The following CCDC28A variants were observed in gnomAD, a reference collection of about 807,000 sequenced individuals.
CCDC28A encodes the protein coiled-coil domain containing 28A.
CCDC28A carries 24 observed loss-of-function variants against 22.1 expected under a neutral mutation model. That is an observed-to-expected ratio of 1.09 (90% CI 0.79 to 1.53). The LOEUF (loss-of-function observed/expected upper bound fraction) is 1.53, where lower values mean the gene tolerates loss of function less well. Among genes scored for constraint, CCDC28A ranks in the 40% most tolerant of loss-of-function variants. CCDC28A has a pLI of 0.00. For synonymous variants in CCDC28A, 83 were observed against 74.7 expected (o/e 1.11, Z -0.57); for missense variants, 170 against 210.7 (o/e 0.81, Z 1.20).
In CCDC28A at chr6:138,792,931, T is replaced by C. The variant is rs1287551249; in HGVS notation, c.*128T>C. On this transcript the variant is annotated 3_prime_UTR_variant, in exon 6 of 6. Transcript: ENST00000617445. ...AGTAATTAAAGTGCAAGTTCAATGA[T>C]CGTTTTCACTTACTGCTTTTAGTAA... 3.0e-6 allele frequency: 2 copies of C among 658,718 alleles called. No homozygotes were observed. Among genetic ancestry groups the C allele is most frequent in the East Asian group, 5.6e-5 (2 of 35,826 alleles). The allele number at this position is 658,718 out of a possible 1,614,324, so 40.8% of individuals were successfully genotyped here.
chr6:138,785,394 C>CT lies in CCDC28A; in HGVS notation c.477+18dup, dbSNP rs1583523672. The CT allele has an allele frequency of 3.2e-6, 5 of 1,581,998 alleles. No individual in the cohort carries two copies. The highest frequency in any genetic ancestry group is 4.3e-6 in the Non-Finnish European group (5 of 1,166,620). On this transcript the variant is annotated intron_variant, in intron 4 of 5. Coordinates refer to ENST00000617445, the MANE Select transcript of CCDC28A (RefSeq NM_015439.3). ...GCTTCTGTCAGATGTAAGTGTAATTCTTTTTCTTTGTTCTTTAAAAAAAAA... is the reference window on the plus strand; with the variant it reads ...GCTTCTGTCAGATGTAAGTGTAATTCTTTTTTCTTTGTTCTTTAAAAAAAAA...
At chr6:138,777,829 A>C (rs1033091789) in intron 2 of CCDC28A, among the ~76,000 whole-genome samples, 1 of 152,210 alleles carries the variant, frequency 6.6e-6, no homozygotes, top group Non-Finnish European at 1.5e-5. Context: ...GAGAGGAAAA[A>C]AATACATTTG....
intron 3 of CCDC28A, among the ~76,000 whole-genome samples, chr6:138,783,612 T>C (rs1378131213): frequency 6.6e-6 from 1 of 151,766 alleles, no homozygotes. Flanking sequence ...TAATTTTTTG[T>C]ATTTTTTAGT....
chr6:138,780,032 C>T (rs1774993853), intron 3 of CCDC28A, 47 bp downstream of exon 3: 5 of 1,415,988 alleles, frequency 3.5e-6, no homozygotes, highest in South Asian at 2.8e-5. Context: ...AAGATGTTTG[C>T]ATCCTGTTTT....
At chr6:138,776,442 G>A (rs1305566144) in intron 2 of CCDC28A, among the ~76,000 whole-genome samples, 164 bp downstream of exon 2, 1 of 152,148 alleles carries the variant, frequency 6.6e-6, no homozygotes, top group African/African-American at 2.4e-5. Context: ...ACGGTGTATA[G>A]ATATTAGAAA....
Position 138,788,568 on chromosome 6 carries a change from C to CTTTTTTTTTTTTTTTTTTT in CCDC28A, c.500+185_500+203dup, listed in dbSNP as rs3070099. 1.3e-3 allele frequency among the ~76,000 whole-genome samples: 117 copies of CTTTTTTTTTTTTTTTTTTT among 92,970 alleles called. 6 individuals are homozygous for CTTTTTTTTTTTTTTTTTTT. The highest frequency in any genetic ancestry group is 3.2e-3 in the African/African-American group (63 of 19,592). 61.0% of individuals were successfully genotyped at this position (92,970 alleles called of 152,430 possible). A position where few individuals can be genotyped will look rare whatever the true frequency, so the allele number is the denominator to read the frequency against. ...TTCTTTTCTTTCTCTTTTTTCTTTT[C>CTTTTTTTTTTTTTTTTTTT]TTTTTTTTTTTTTTTTTTTTTTTCA... On this transcript the variant is annotated intron_variant, in intron 5 of 5. Coordinates refer to ENST00000617445, the MANE Select transcript of CCDC28A (RefSeq NM_015439.3).
intron 3 of CCDC28A, among the ~76,000 whole-genome samples, chr6:138,780,683 T>G (rs1583521525): frequency 2.0e-5 from 3 of 151,036 alleles, no homozygotes; most frequent in Non-Finnish European, 4.4e-5. Context: ...CAAGTGATTC[T>G]CCTGCCTCAA....
chr6:138,781,314 A>G (rs187571182), intron 3 of CCDC28A, among the ~76,000 whole-genome samples: 1 of 152,100 alleles, frequency 6.6e-6, no homozygotes, highest in Non-Finnish European at 1.5e-5. Flanking sequence ...CTATGTCCCT[A>G]TTGAGAGGCA....
chr6:138,786,823 A>G (rs926373998), intron 4 of CCDC28A, among the ~76,000 whole-genome samples: 2 of 152,258 alleles, frequency 1.3e-5, no homozygotes, highest in South Asian at 4.1e-4. Context: ...ACCATGTTGT[A>G]CAGGCTGGTC....
intron 2 of CCDC28A, among the ~76,000 whole-genome samples, chr6:138,779,375 T>A (rs191179668): frequency 6.6e-6 from 1 of 152,322 alleles, no homozygotes; most frequent in East Asian, 1.9e-4. Context: ...TTAAATATCT[T>A]CCCTTCTCTT....
intron 3 of CCDC28A, among the ~76,000 whole-genome samples, chr6:138,783,512 A>G (rs1014409802): frequency 1.4e-4 from 20 of 146,656 alleles, no homozygotes; most frequent in Non-Finnish European, 3.0e-5. Flanking sequence ...ATCTCTGCTC[A>G]CTGCAAGCTT....
In CCDC28A at chr6:138,783,196, T is replaced by A. The variant is rs78847135; in HGVS notation, c.323-2031T>A. On this transcript the variant is annotated intron_variant, in intron 3 of 5. Transcript: ENST00000617445. ...CATTTTTCATGCTTCATAAATATTTTTATTTATATTTCTTAAAGGAAGAAT... is the reference window on the plus strand; with the variant it reads ...CATTTTTCATGCTTCATAAATATTTATATTTATATTTCTTAAAGGAAGAAT... 6.9e-3 allele frequency among the ~76,000 whole-genome samples: 1,043 copies of A among 152,238 alleles called. 10 individuals carry two copies. Among genetic ancestry groups the A allele is most frequent in the African/African-American group, 0.023 (938 of 41,544 alleles).
At chr6:138,780,851 C>A (rs2114903726) in intron 3 of CCDC28A, among the ~76,000 whole-genome samples, 1 of 152,278 alleles carries the variant, frequency 6.6e-6, no homozygotes, top group East Asian at 1.9e-4. Flanking sequence ...GGATCGCAGG[C>A]GTGAGCCACC....
intron 3 of CCDC28A, among the ~76,000 whole-genome samples, chr6:138,781,634 T>C (rs2114904396): frequency 6.6e-6 from 1 of 152,376 alleles, no homozygotes; most frequent in East Asian, 1.9e-4. Flanking sequence ...AGATGTCTTT[T>C]ATTACAATTG....
chr6:138,773,866 G>A lies in CCDC28A; in HGVS notation c.-79G>A. On this transcript the variant is annotated 5_prime_UTR_variant, in exon 1 of 6. Coordinates refer to ENST00000617445, the MANE Select transcript of CCDC28A (RefSeq NM_015439.3). ...CTTCTGAGGCTGTCGGGTCTTTGCGGGTTGCGGAAGGGGGCCCCAATACCC... is the reference window on the plus strand; with the variant it reads ...CTTCTGAGGCTGTCGGGTCTTTGCGAGTTGCGGAAGGGGGCCCCAATACCC... 6.2e-7 allele frequency: 1 copy of A among 1,613,974 alleles called. No individual in the cohort carries two copies. Among genetic ancestry groups the A allele is most frequent in the Non-Finnish European group, 8.5e-7 (1 of 1,180,038 alleles).
In CCDC28A at chr6:138,793,107, G is replaced by A. The variant is rs879060779; in HGVS notation, c.*304G>A. ...TGCATTGTGCTGATGTTCTTGACAG[G>A]GCGGAGGGATTTCTCTTTCCTGAGC... On this transcript the variant is annotated 3_prime_UTR_variant, in exon 6 of 6. Transcript: ENST00000617445. 1.1e-4 allele frequency: 33 copies of A among 307,930 alleles called. No homozygotes were observed. Among genetic ancestry groups the A allele is most frequent in the Admixed American group, 5.3e-4 (11 of 20,662 alleles). The allele number at this position is 307,930 out of a possible 1,614,324, so 19.1% of individuals were successfully genotyped here.
intron 2 of CCDC28A, 145 bp downstream of exon 2, chr6:138,776,423 A>C: frequency 1.5e-6 from 1 of 651,002 alleles, no homozygotes; most frequent in Non-Finnish European, 2.7e-6. Flanking sequence ...AGAAAAATTT[A>C]TGAAAGTTAC....
chr6:138,787,886 A>G (rs1278827740), intron 4 of CCDC28A, among the ~76,000 whole-genome samples: 1 of 151,572 alleles, frequency 6.6e-6, no homozygotes, highest in African/African-American at 2.4e-5. Flanking sequence ...TTTTGCAAAA[A>G]GGAATTTTTT....
intron 5 of CCDC28A, among the ~76,000 whole-genome samples, chr6:138,792,199 C>G (rs1027476091): frequency 2.0e-5 from 3 of 152,086 alleles, no homozygotes; most frequent in African/African-American, 7.2e-5. Context: ...TGTCTCTAAT[C>G]AGCTCCTTAC....
Sources: allele counts gnomAD v4.1 joint callset (sites outside exome capture counted in the v4.1 genomes callset), GRCh38; gene constraint gnomAD v4.1.1; transcripts MANE v1.5; gene names NCBI Gene and HGNC (gene_info 2026-07-23, HGNC 2026-07-21).